AGMO: variants seen among roughly 807,000 people sequenced by gnomAD.
The protein encoded by AGMO is alkylglycerol monooxygenase.
Under a neutral mutation model 60.2 loss-of-function variants are expected in AGMO, and 75 were observed. The ratio of observed to expected loss-of-function variants is 1.25; its 90% CI spans 1.03 to 1.51. The LOEUF (loss-of-function observed/expected upper bound fraction) is 1.51, where lower values mean the gene tolerates loss of function less well. AGMO is among the 40% of genes most tolerant of loss of function. The pLI is 0.00. For synonymous variants in AGMO, 261 were observed against 177.1 expected (o/e 1.47, Z -3.76); for missense variants, 763 against 525.5 (o/e 1.45, Z -4.42).
chr7:15,117,984 C>G, the AGMO span, among the ~76,000 whole-genome samples: 1 of 151,858 alleles, frequency 6.6e-6, no homozygotes, highest in Non-Finnish European at 1.5e-5. Flanking sequence ...GCATTGATTA[C>G]AGACATGAAA....
chr7:15,207,920 C>A (rs950635103), intron 12 of AGMO, among the ~76,000 whole-genome samples: 3 of 151,814 alleles, frequency 2.0e-5, no homozygotes, highest in African/African-American at 7.3e-5. Context: ...GGTGACAGTG[C>A]GAGACTCTGT....
At chr7:15,372,015 A>C (rs1783238142) in intron 10 of AGMO, among the ~76,000 whole-genome samples, 1 of 152,298 alleles carries the variant, frequency 6.6e-6, no homozygotes, top group South Asian at 2.1e-4. Flanking sequence ...TGAGTTTAAA[A>C]GAAACTGAGA....
chr7:15,279,286 GC>G (rs1160148132), intron 12 of AGMO, among the ~76,000 whole-genome samples: 1 of 152,102 alleles, frequency 6.6e-6, no homozygotes, highest in Non-Finnish European at 1.5e-5. Flanking sequence ...TCAGCAGGCT[GC>G]CTGGCTTCAC....
At chr7:15,412,448 C>T (rs114289004) in intron 5 of AGMO, among the ~76,000 whole-genome samples, 1,554 of 151,880 alleles carry the variant, frequency 0.01, 27 homozygotes, top group African/African-American at 0.036. Flanking sequence ...ACAGGGACCA[C>T]GGAAAGGGAG....
At chr7:15,339,105 C>G (rs1253011845) in intron 12 of AGMO, among the ~76,000 whole-genome samples, 1 of 152,142 alleles carries the variant, frequency 6.6e-6, no homozygotes, top group Non-Finnish European at 1.5e-5. Context: ...TTCTATAGCT[C>G]TTTCTAGCAA....
chr7:15,317,644 T>C (rs564090287), intron 12 of AGMO, among the ~76,000 whole-genome samples: 2 of 152,128 alleles, frequency 1.3e-5, no homozygotes, highest in African/African-American at 4.8e-5. Context: ...TAACTACTAA[T>C]GGTAAAATAA....
At chr7:15,171,192 A>G in the AGMO span, among the ~76,000 whole-genome samples, 2 of 152,054 alleles carry the variant, frequency 1.3e-5, no homozygotes, top group African/African-American at 4.8e-5. Context: ...CGTGTTAGCC[A>G]GGATGGTCTG....
intron 12 of AGMO, among the ~76,000 whole-genome samples, chr7:15,287,352 T>C (rs1250160294): frequency 6.6e-6 from 1 of 152,196 alleles, no homozygotes; most frequent in African/African-American, 2.4e-5. Flanking sequence ...ATATCTGATA[T>C]TTCCACTCCT....
At chr7:15,352,931 G>C (rs1782306303) in intron 12 of AGMO, among the ~76,000 whole-genome samples, 1 of 151,922 alleles carries the variant, frequency 6.6e-6, no homozygotes, top group Non-Finnish European at 1.5e-5. Context: ...CTTTCATTTG[G>C]GGCATATATT....
chr7:15,130,948 A>T, the AGMO span, among the ~76,000 whole-genome samples: 1 of 152,166 alleles, frequency 6.6e-6, no homozygotes, highest in African/African-American at 2.4e-5. Context: ...TTGGCTTATG[A>T]AAAAGAATTT....
intron 10 of AGMO, among the ~76,000 whole-genome samples, chr7:15,369,563 C>G (rs61547967): frequency 0.018 from 2,689 of 152,166 alleles, 95 homozygotes; most frequent in African/African-American, 0.062. Context: ...ATTCAGGTCT[C>G]TATTCAAATA....
chr7:15,397,982 G>A (rs1277405914), intron 5 of AGMO, among the ~76,000 whole-genome samples: 1 of 152,190 alleles, frequency 6.6e-6, no homozygotes, highest in African/African-American at 2.4e-5. Flanking sequence ...ACAAGAAAGT[G>A]GGGGATCCTC....
chr7:15,325,634 A>T (rs1781314414), intron 12 of AGMO, among the ~76,000 whole-genome samples: 2 of 152,150 alleles, frequency 1.3e-5, no homozygotes, highest in African/African-American at 4.8e-5. Flanking sequence ...AAACAGAAAA[A>T]ATAACTCAAA....
intron 12 of AGMO, among the ~76,000 whole-genome samples, chr7:15,217,667 T>C (rs1215731106): frequency 6.6e-6 from 1 of 151,844 alleles, no homozygotes; most frequent in Non-Finnish European, 1.5e-5. Context: ...ATAAAACTAA[T>C]CACTCAGAAG....
chr7:15,459,046 A>T (rs1199734370), intron 3 of AGMO, among the ~76,000 whole-genome samples: 1 of 152,192 alleles, frequency 6.6e-6, no homozygotes, highest in African/African-American at 2.4e-5. Context: ...ATATTTGATA[A>T]TCTGCAATAC....
chr7:15,435,388 C>A (rs773383990), intron 3 of AGMO, among the ~76,000 whole-genome samples: 1 of 151,426 alleles, frequency 6.6e-6, no homozygotes, highest in Non-Finnish European at 1.5e-5. Flanking sequence ...CACCTGACAT[C>A]ATTAATTTTA....
At position 15,487,208 on chromosome 7, in the gene AGMO, A is replaced by G. The variant is rs991055748; in HGVS notation, c.410-56100T>C. On this transcript the variant is annotated intron_variant, in intron 3 of 12. Transcript: ENST00000342526. Reference sequence around the variant, plus strand: ...GGTGAAAAATTCTAAATGAACTGTAAGAAATAATTGAAATAAAATAGCAAG... The same window carrying G: ...GGTGAAAAATTCTAAATGAACTGTAGGAAATAATTGAAATAAAATAGCAAG... Among the ~76,000 whole-genome samples, 23 of 152,356 alleles carry G rather than the reference A, an allele frequency of 1.5e-4. No homozygotes were observed. In the East Asian group the frequency reaches 4.2e-3, roughly 28 times the overall value.
At chr7:15,423,003 G>C (rs1041141890) in intron 4 of AGMO, among the ~76,000 whole-genome samples, 1 of 152,166 alleles carries the variant, frequency 6.6e-6, no homozygotes, top group Non-Finnish European at 1.5e-5. Flanking sequence ...AGTACTCCAC[G>C]AGTAAGCTGC....
intron 3 of AGMO, among the ~76,000 whole-genome samples, chr7:15,475,095 G>A (rs1019388688): frequency 2.4e-4 from 36 of 152,190 alleles, no homozygotes; most frequent in African/African-American, 7.5e-4. Context: ...GTGTTAGTGG[G>A]AGTGTAAATT....
Sources: gnomAD v4.1 joint callset for allele counts (sites outside exome capture counted in the v4.1 genomes callset) on GRCh38, gnomAD v4.1.1 for gene constraint, MANE v1.5 for transcripts, NCBI Gene and HGNC (gene_info 2026-07-23, HGNC 2026-07-21) for gene names.